RANBP2: variants seen among roughly 807,000 people sequenced by gnomAD.
The protein encoded by RANBP2 is E3 SUMO-protein ligase RanBP2.
In RANBP2, 57 loss-of-function variants were observed where a neutral mutation model predicts 303.6. That is an observed-to-expected ratio of 0.19 (90% CI 0.15 to 0.23). The LOEUF (loss-of-function observed/expected upper bound fraction) is 0.23. RANBP2 is among the 10% of genes least tolerant of loss of function. RANBP2 has a pLI of 1.00. For missense variants in RANBP2, 3,138 were observed against 3,780.8 expected, an observed-to-expected ratio of 0.83 and a Z score of 4.46; for synonymous variants, 1,167 against 1,301.5, an observed-to-expected ratio of 0.90 and a Z score of 2.23.
the RANBP2 span, among the ~76,000 whole-genome samples, chr2:109,385,030 A>G: frequency 6.6e-6 from 1 of 152,300 alleles, no homozygotes; most frequent in South Asian, 2.1e-4. Context: ...CCCTCCCTGC[A>G]TGCCTGGCCC....
chr2:108,899,851 T>C, the RANBP2 span, among the ~76,000 whole-genome samples: 1 of 152,054 alleles, frequency 6.6e-6, no homozygotes, highest in Non-Finnish European at 1.5e-5. Flanking sequence ...ATTGGCGTGG[T>C]AGTGCACACC....
At chr2:109,761,092 CT>C in the RANBP2 span, among the ~76,000 whole-genome samples, 25 of 143,534 alleles carry the variant, frequency 1.7e-4, no homozygotes, top group Non-Finnish European at 3.2e-4. Context: ...TCACTAATGC[CT>C]GGGGATCCAC....
chr2:108,994,348 C>T, the RANBP2 span, among the ~76,000 whole-genome samples: 43,795 of 152,098 alleles, frequency 0.29, 8,493 homozygotes, highest in East Asian at 0.88. Flanking sequence ...TTGAGACGGC[C>T]CCCACCACCT....
At chr2:108,976,669 GTATT>G in the RANBP2 span, among the ~76,000 whole-genome samples, 3 of 151,976 alleles carry the variant, frequency 2.0e-5, no homozygotes, top group African/African-American at 4.8e-5. Flanking sequence ...GAACACATGG[GTATT>G]TATTTTAAAC....
At chr2:109,641,723 T>C in the RANBP2 span, among the ~76,000 whole-genome samples, 1 of 148,952 alleles carries the variant, frequency 6.7e-6, no homozygotes, top group Non-Finnish European at 1.5e-5. Context: ...GAATCACTTT[T>C]AATTTACAGT....
chr2:109,499,525 G>C, the RANBP2 span, among the ~76,000 whole-genome samples: 1 of 152,210 alleles, frequency 6.6e-6, no homozygotes, highest in Non-Finnish European at 1.5e-5. Flanking sequence ...CAGGCTTCGG[G>C]CAAGCATGCC....
At chr2:108,862,285 CATTGGTG>C in the RANBP2 span, among the ~76,000 whole-genome samples, 1 of 151,950 alleles carries the variant, frequency 6.6e-6, no homozygotes, top group African/African-American at 2.4e-5. Context: ...ACTATATGGG[CATTGGTG>C]ACCAGCTTTG....
the RANBP2 span, among the ~76,000 whole-genome samples, chr2:108,825,606 A>G: frequency 1.3e-5 from 2 of 152,148 alleles, no homozygotes; most frequent in Non-Finnish European, 2.9e-5. Context: ...TGTTTTTGAA[A>G]TTCACTCATG....
At chr2:109,766,545 T>A in the RANBP2 span, among the ~76,000 whole-genome samples, 1 of 150,568 alleles carries the variant, frequency 6.6e-6, no homozygotes, top group South Asian at 2.2e-4. Flanking sequence ...GGGAAATGAT[T>A]CCTTCCTGTG....
At chr2:109,593,120 C>T in the RANBP2 span, 1 of 1,589,488 alleles carries the variant, frequency 6.3e-7, no homozygotes, top group East Asian at 2.3e-5. Context: ...ACTGAAAGAG[C>T]TAAAAAAGGA....
chr2:109,249,874 C>G, the RANBP2 span, among the ~76,000 whole-genome samples: 1 of 150,764 alleles, frequency 6.6e-6, no homozygotes, highest in South Asian at 2.1e-4. Flanking sequence ...TTAGTAGAGA[C>G]GGGGTTTCAC....
chr2:109,521,179 C>T, the RANBP2 span, among the ~76,000 whole-genome samples: 1 of 150,916 alleles, frequency 6.6e-6, no homozygotes, highest in African/African-American at 2.4e-5. Flanking sequence ...GATTGTGCCA[C>T]TGCACTCCAG....
chr2:109,301,336 G>A, the RANBP2 span, among the ~76,000 whole-genome samples: 2 of 51,330 alleles, frequency 3.9e-5, no homozygotes, highest in Non-Finnish European at 6.1e-5. Context: ...TCTGTGTGAC[G>A]TGTGTGTGTG....
intron 7 of RANBP2, among the ~76,000 whole-genome samples, chr2:108,745,901 CT>C (rs71381988): frequency 8.5e-4 from 119 of 140,582 alleles, no homozygotes; most frequent in Middle Eastern, 3.6e-3. Flanking sequence ...TCTGTGTATG[CT>C]TTTTTTTTTT....
At chr2:108,881,903 G>T in the RANBP2 span, among the ~76,000 whole-genome samples, 1 of 152,136 alleles carries the variant, frequency 6.6e-6, no homozygotes, top group Non-Finnish European at 1.5e-5. Flanking sequence ...CAGCACTTTG[G>T]GAAGCTGAGG....
the RANBP2 span, among the ~76,000 whole-genome samples, chr2:109,015,236 A>G: frequency 1.2e-4 from 18 of 150,594 alleles, no homozygotes; most frequent in Non-Finnish European, 2.1e-4. Flanking sequence ...CCTGGGTTTG[A>G]ACTACTGGGT....
chr2:109,711,634 G>GCTGGC, the RANBP2 span, among the ~76,000 whole-genome samples: 2 of 152,112 alleles, frequency 1.3e-5, no homozygotes, highest in South Asian at 4.2e-4. Flanking sequence ...AGGAAGCCTC[G>GCTGGC]CTGGCCTGGC....
At chr2:109,375,646 G>A in the RANBP2 span, among the ~76,000 whole-genome samples, 4 of 152,268 alleles carry the variant, frequency 2.6e-5, no homozygotes, top group Non-Finnish European at 4.4e-5. Flanking sequence ...CCAGGGCAGA[G>A]TGAACTCACA....
In RANBP2 at chr2:108,765,662, A is replaced by G. The variant is rs150813785; in HGVS notation, c.5123A>G (p.Glu1708Gly). Residue 1708 changes from glutamate to glycine, a missense_variant, in exon 20 of 29, where the codon GAG (glutamate) becomes GGG (glycine). Transcript: ENST00000283195. ...TSAVSTPASS[E>G]TSKAPKSGFE... ...GCAGTTTCAACACCTGCCTCTTCAG[A>G]GACAAGCAAGGCTCCAAAGAGCGGA... 4.4e-6 allele frequency: 7 copies of G among 1,607,800 alleles called. No individual in the cohort carries two copies. The highest frequency in any genetic ancestry group is 5.1e-6 in the Non-Finnish European group (6 of 1,177,962).
Sources: allele counts gnomAD v4.1 joint callset (sites outside exome capture counted in the v4.1 genomes callset), GRCh38; gene constraint gnomAD v4.1.1; transcripts MANE v1.5; gene names NCBI Gene and HGNC (gene_info 2026-07-23, HGNC 2026-07-21).